Variants in PID1 observed in about 807,000 individuals in gnomAD.
PID1 encodes phosphotyrosine interaction domain containing 1.
A neutral mutation model predicts 19.1 loss-of-function variants in PID1; 10 were observed. The observed-to-expected ratio is 0.52, with a 90% CI of 0.32 to 0.89. PID1 has a LOEUF of 0.89. Among genes scored for constraint, PID1 ranks in the 40% least tolerant of loss-of-function variants. The pLI is 0.03. For synonymous variants in PID1, 130 were observed against 116.0 expected, an observed-to-expected ratio of 1.12 and a Z score of -0.78; for missense variants, 248 against 285.3, an observed-to-expected ratio of 0.87 and a Z score of 0.94.
chr2:229,162,241 C>G (rs976921269), intron 1 of PID1, among the ~76,000 whole-genome samples: 2 of 152,166 alleles, frequency 1.3e-5, no homozygotes, highest in African/African-American at 4.8e-5. Context: ...TCGCCATGCC[C>G]TGTATAATTT....
chr2:229,181,159 G>A (rs1227118027), intron 1 of PID1, among the ~76,000 whole-genome samples: 1 of 152,182 alleles, frequency 6.6e-6, no homozygotes, highest in Admixed American at 6.5e-5. Context: ...TTCTGATATG[G>A]GATAATGTTG....
intron 2 of PID1, among the ~76,000 whole-genome samples, chr2:229,083,269 A>C (rs936546989): frequency 6.6e-6 from 1 of 152,212 alleles, no homozygotes; most frequent in Admixed American, 6.5e-5. Context: ...TATGTGCTGG[A>C]GTGGCTAATG....
At chr2:229,041,146 G>C (rs1693762975) in intron 2 of PID1, among the ~76,000 whole-genome samples, 1 of 152,110 alleles carries the variant, frequency 6.6e-6, no homozygotes, top group South Asian at 2.1e-4. Context: ...CCCAGATCTT[G>C]GTTTCTAAAT....
intron 1 of PID1, among the ~76,000 whole-genome samples, chr2:229,237,789 A>G (rs913804210): frequency 3.3e-5 from 5 of 152,254 alleles, no homozygotes; most frequent in Non-Finnish European, 7.3e-5. Flanking sequence ...TTCTGATATC[A>G]GAATGACTGA....
At chr2:229,233,933 G>A (rs1238355573) in intron 1 of PID1, among the ~76,000 whole-genome samples, 1 of 152,162 alleles carries the variant, frequency 6.6e-6, no homozygotes, top group Non-Finnish European at 1.5e-5. Flanking sequence ...GTTAGGATAG[G>A]CACAAAAATA....
intron 1 of PID1, among the ~76,000 whole-genome samples, chr2:229,257,731 G>A (rs1690341792): frequency 6.6e-6 from 1 of 152,164 alleles, no homozygotes; most frequent in Non-Finnish European, 1.5e-5. Flanking sequence ...GGGGCAAAAT[G>A]TTTTTAAACT....
chr2:229,122,385 T>C lies in PID1; in HGVS notation c.177+33433A>G, dbSNP rs111544135. On this transcript the variant is annotated intron_variant, in intron 2 of 2. Transcript: ENST00000392055. ...TAGGGAAAAGTCCAGGGGCATTGCATAGAGAGGATAAGGGAACCCAGGAAT... is the reference window on the plus strand; with the variant it reads ...TAGGGAAAAGTCCAGGGGCATTGCACAGAGAGGATAAGGGAACCCAGGAAT... Among the ~76,000 whole-genome samples, 1,522 of 152,234 alleles carry C rather than the reference T, an allele frequency of 1.0e-2. 35 individuals carry two copies. The highest frequency in any genetic ancestry group is 0.035 in the African/African-American group (1,442 of 41,542).
chr2:229,123,000 C>T (rs916733252), intron 2 of PID1, among the ~76,000 whole-genome samples: 4 of 152,072 alleles, frequency 2.6e-5, no homozygotes, highest in Non-Finnish European at 5.9e-5. Flanking sequence ...TTGTTTTTAA[C>T]AAAATAGCTT....
chr2:229,116,697 A>G (rs1176642170), intron 2 of PID1, among the ~76,000 whole-genome samples: 2 of 152,120 alleles, frequency 1.3e-5, no homozygotes, highest in African/African-American at 2.4e-5. Flanking sequence ...GGCCTCCCCA[A>G]CCATGCAGAA....
intron 2 of PID1, among the ~76,000 whole-genome samples, chr2:229,071,277 C>CAGT (rs1694446045): frequency 6.6e-6 from 1 of 152,208 alleles, no homozygotes; most frequent in African/African-American, 2.4e-5. Context: ...CATGGTATCA[C>CAGT]CTCATACTCC....
intron 1 of PID1, among the ~76,000 whole-genome samples, chr2:229,261,474 C>T (rs939770234): frequency 5.3e-5 from 8 of 152,134 alleles, no homozygotes; most frequent in Non-Finnish European, 1.0e-4. Context: ...AGCAGGATTC[C>T]GCTCTCACCT....
In PID1 at chr2:229,255,313, G is replaced by A. The variant is rs140008448; in HGVS notation, c.30+15701C>T. The stretch of plus-strand genomic sequence containing the variant: ...AATCATCAGAATCCTGTAACTGCAG[G>A]AAATGGGTAGCGTTAAGCAGATGGG... On this transcript the variant is annotated intron_variant, in intron 1 of 2. Coordinates refer to ENST00000392055, the MANE Select transcript of PID1 (RefSeq NM_001100818.2). Among the ~76,000 whole-genome samples, 303 of 152,288 alleles carry A rather than the reference G, an allele frequency of 2.0e-3. 1 individual carries two copies. Among genetic ancestry groups the A allele is most frequent in the African/African-American group, 6.8e-3 (281 of 41,550 alleles).
chr2:229,075,017 T>C (rs1354399887), intron 2 of PID1, among the ~76,000 whole-genome samples: 1 of 152,220 alleles, frequency 6.6e-6, no homozygotes, highest in African/African-American at 2.4e-5. Context: ...GTGAAAAATA[T>C]TGTTAAATCA....
chr2:229,149,864 T>C (rs1272770392), intron 2 of PID1, among the ~76,000 whole-genome samples: 1 of 152,058 alleles, frequency 6.6e-6, no homozygotes, highest in African/African-American at 2.4e-5. Flanking sequence ...GAACAAGCGC[T>C]GCCGGATAGG....
At chr2:229,123,637 C>T (rs143594212) in intron 2 of PID1, among the ~76,000 whole-genome samples, 1 of 152,164 alleles carries the variant, frequency 6.6e-6, no homozygotes, top group Non-Finnish European at 1.5e-5. Context: ...TACCTTCCCA[C>T]CAGCAGTGTT....
At chr2:229,102,284 T>TA (rs559671277) in intron 2 of PID1, among the ~76,000 whole-genome samples, 14 of 150,878 alleles carry the variant, frequency 9.3e-5, no homozygotes, top group Non-Finnish European at 1.5e-4. Flanking sequence ...TATAACAAGT[T>TA]AAAAAAAATA....
chr2:229,235,893 A>G (rs1358867717), intron 1 of PID1, among the ~76,000 whole-genome samples: 1 of 152,228 alleles, frequency 6.6e-6, no homozygotes, highest in Non-Finnish European at 1.5e-5. Flanking sequence ...GAGGGAATAA[A>G]AAAGACCTAT....
At chr2:229,170,403 C>T (rs893575206) in intron 1 of PID1, among the ~76,000 whole-genome samples, 1 of 152,140 alleles carries the variant, frequency 6.6e-6, no homozygotes, top group Non-Finnish European at 1.5e-5. Context: ...CAACATTTCC[C>T]CCCACAATGT....
At chr2:229,241,014 T>G (rs1449778261) in intron 1 of PID1, among the ~76,000 whole-genome samples, 2 of 152,182 alleles carry the variant, frequency 1.3e-5, no homozygotes. Context: ...ATTTTCTATT[T>G]TAGATATTTT....
Sources: gnomAD v4.1 joint callset for allele counts (sites outside exome capture counted in the v4.1 genomes callset) on GRCh38, gnomAD v4.1.1 for gene constraint, MANE v1.5 for transcripts, NCBI Gene and HGNC (gene_info 2026-07-23, HGNC 2026-07-21) for gene names.